ALG9: variants seen among roughly 807,000 people sequenced by gnomAD.
The protein encoded by ALG9 is ALG9 alpha-1,2-mannosyltransferase, also known as alpha-1,2-mannosyltransferase ALG9.
Under a neutral mutation model 81.8 loss-of-function variants are expected in ALG9, and 55 were observed. That is an observed-to-expected ratio of 0.67 (90% confidence interval 0.54 to 0.84). ALG9 has a LOEUF of 0.84. ALG9 is among the 40% of genes least tolerant of loss of function. The pLI, the probability that ALG9 is intolerant of heterozygous loss-of-function variation, is 0.00. For synonymous variants in ALG9, 278 were observed against 274.3 expected (o/e 1.01, Z -0.13); for missense variants, 629 against 745.0 (o/e 0.84, Z 1.81).
chr11:111,812,601 T>C (rs1408374087), intron 13 of ALG9, among the ~76,000 whole-genome samples: 1 of 151,856 alleles, frequency 6.6e-6, no homozygotes, highest in Non-Finnish European at 1.5e-5. Flanking sequence ...GGTGGGGGCT[T>C]AGTTACTGTA....
intron 13 of ALG9, among the ~76,000 whole-genome samples, chr11:111,831,687 C>A (rs1439269701): frequency 6.6e-6 from 1 of 152,310 alleles, no homozygotes; most frequent in East Asian, 1.9e-4. Flanking sequence ...TATAATCTCT[C>A]TAGATCTCAG....
chr11:111,857,036 G>A (rs1397512892), intron 6 of ALG9, among the ~76,000 whole-genome samples: 1 of 152,218 alleles, frequency 6.6e-6, no homozygotes, highest in Non-Finnish European at 1.5e-5. Context: ...GAACCCAGGA[G>A]GCGGAGGTTG....
At position 111,796,306 on chromosome 11, in the gene ALG9, T is replaced by C. The variant is rs1948275083; in HGVS notation, c.1734-9786A>G. Among the ~76,000 whole-genome samples, 3 of 152,208 alleles carry C rather than the reference T, an allele frequency of 2.0e-5. No individual in the cohort carries two copies. The South Asian group carries it at 6.2e-4, about 32-fold the overall frequency. On this transcript the variant is annotated intron_variant, in intron 14 of 14. Transcript: ENST00000616540. ...AATCAACATGTAATGTGGTTCTAACTCTCAAGGAACTTGGAACAAAGACCT... is the reference window on the plus strand; with the variant it reads ...AATCAACATGTAATGTGGTTCTAACCCTCAAGGAACTTGGAACAAAGACCT...
Position 111,871,531 on chromosome 11 carries a change from G to T in ALG9, c.-49C>A, listed in dbSNP as rs1334825377. The stretch of plus-strand genomic sequence containing the variant: ...TCGGCACCCTATGAAGTCGGTGAGC[G>T]CGCAGACATAGCTTTGGCTGGCAAA... On this transcript the variant is annotated 5_prime_UTR_variant, in exon 1 of 15. Transcript: ENST00000616540. The T allele has an allele frequency of 1.3e-6, 2 of 1,534,840 alleles. No individual in the cohort carries two copies. The highest frequency in any genetic ancestry group is 1.7e-6 in the Non-Finnish European group (2 of 1,146,064).
intron 2 of ALG9, among the ~76,000 whole-genome samples, chr11:111,870,004 G>T (rs1375516144): frequency 6.6e-6 from 1 of 151,968 alleles, no homozygotes; most frequent in Non-Finnish European, 1.5e-5. Flanking sequence ...TAGAGTCGGG[G>T]TTTCACCATG....
intron 4 of ALG9, among the ~76,000 whole-genome samples, chr11:111,863,142 C>A (rs1249524346): frequency 6.6e-6 from 1 of 151,976 alleles, no homozygotes; most frequent in Non-Finnish European, 1.5e-5. Flanking sequence ...GAGGCCGAGG[C>A]GGGCAGATCA....
At chr11:111,775,740 T>G in the ALG9 span, among the ~76,000 whole-genome samples, 3 of 152,070 alleles carry the variant, frequency 2.0e-5, no homozygotes, top group African/African-American at 7.2e-5. Context: ...TTTCATAAAG[T>G]GAAACAACTT....
the ALG9 span, among the ~76,000 whole-genome samples, chr11:111,775,910 C>T: frequency 6.6e-6 from 1 of 152,122 alleles, no homozygotes; most frequent in South Asian, 2.1e-4. Context: ...GTTTGAATTG[C>T]AGGTCTACCA....
chr11:111,868,839 A>G (rs976757825), intron 2 of ALG9, 103 bp from the exon 3 acceptor site: 1 of 1,287,474 alleles, frequency 7.8e-7, no homozygotes, highest in Non-Finnish European at 1.0e-6. Context: ...AACAAAGGCA[A>G]GCCAGGCACG....
At chr11:111,773,592 C>T in the ALG9 span, among the ~76,000 whole-genome samples, 1 of 151,962 alleles carries the variant, frequency 6.6e-6, no homozygotes, top group African/African-American at 2.4e-5. Context: ...TTCTCAAAAG[C>T]CTTAGGCCTT....
the ALG9 span, among the ~76,000 whole-genome samples, chr11:111,777,120 A>C: frequency 0.95 from 145,149 of 152,240 alleles, 69,284 homozygotes; most frequent in East Asian, 1. Flanking sequence ...GGTAATTGCC[A>C]CTAAGAGTAG....
In ALG9 at chr11:111,809,502, AGAGT is replaced by A. The variant is rs1421835791; in HGVS notation, c.1733+137_1733+140del. 6.1e-6 allele frequency: 6 copies of A among 977,926 alleles called. No homozygotes were observed. In the African/African-American group the frequency reaches 8.3e-5, roughly 14 times the overall value. The allele number at this position is 977,926 out of a possible 1,614,324, so 60.6% of individuals were successfully genotyped here. A position where few individuals can be genotyped will look rare whatever the true frequency, so the allele number is the denominator to read the frequency against. Reference sequence around the variant, plus strand: ...TTGAGATCACACCAGCCTGGGCAACAGAGTGAGACTCCATTACACACACACACAC... The same window carrying A: ...TTGAGATCACACCAGCCTGGGCAACAGAGACTCCATTACACACACACACAC... On this transcript the variant is annotated intron_variant, in intron 14 of 14. Coordinates refer to ENST00000616540, the MANE Select transcript of ALG9 (RefSeq NM_024740.2).
chr11:111,851,352 G>A (rs547910207), intron 8 of ALG9, among the ~76,000 whole-genome samples: 3 of 152,006 alleles, frequency 2.0e-5, no homozygotes, highest in African/African-American at 7.2e-5. Flanking sequence ...GGTGGCGGGC[G>A]CCTATAATTC....
chr11:111,788,448 AAGG>A, intron 14 of ALG9: 1 of 454,102 alleles, frequency 2.2e-6, no homozygotes, highest in Non-Finnish European at 4.4e-6. Context: ...TACCCCAGTC[AAGG>A]AGAAGTTAAT....
intron 8 of ALG9, among the ~76,000 whole-genome samples, chr11:111,845,637 C>A (rs1209173822): frequency 6.6e-6 from 1 of 152,166 alleles, no homozygotes; most frequent in Non-Finnish European, 1.5e-5. Context: ...GCACATTTAG[C>A]AGGTTTTTCA....
chr11:111,828,279 C>T (rs782303176), intron 13 of ALG9, among the ~76,000 whole-genome samples: 2 of 152,230 alleles, frequency 1.3e-5, no homozygotes, highest in African/African-American at 4.8e-5. Context: ...GTTGGAATTA[C>T]ACCGCCAATG....
intron 2 of ALG9, 145 bp downstream of exon 2, chr11:111,870,087 T>C: frequency 1.0e-6 from 1 of 1,001,972 alleles, no homozygotes; most frequent in Non-Finnish European, 1.4e-6. Context: ...GCTGGGATTA[T>C]AGGCCTGTTT....
intron 13 of ALG9, among the ~76,000 whole-genome samples, chr11:111,822,408 CAAAAAAAAAA>C (rs56367678): frequency 1.5e-5 from 1 of 66,548 alleles, no homozygotes; most frequent in South Asian, 7.1e-4. Flanking sequence ...AACTCAGTCT[CAAAAAAAAAA>C]AAAAAAAAAA....
intron 6 of ALG9, among the ~76,000 whole-genome samples, chr11:111,855,417 C>A (rs1958504205): frequency 6.6e-6 from 1 of 152,116 alleles, no homozygotes; most frequent in East Asian, 1.9e-4. Flanking sequence ...AGCTGATTTA[C>A]AGGGGTCAAG....
Sources: allele counts gnomAD v4.1 joint callset (sites outside exome capture counted in the v4.1 genomes callset), GRCh38; gene constraint gnomAD v4.1.1; transcripts MANE v1.5; gene names NCBI Gene and HGNC (gene_info 2026-07-23, HGNC 2026-07-21).